Variants in ROBO2 observed in about 807,000 individuals in gnomAD.
ROBO2 encodes the protein roundabout homolog 2.
ROBO2 carries 53 observed loss-of-function variants against 160.8 expected under a neutral mutation model. That is an observed-to-expected ratio of 0.33 (90% CI 0.26 to 0.41). ROBO2 has a LOEUF of 0.41. Among genes scored for constraint, ROBO2 ranks in the 10% least tolerant of loss-of-function variants. The pLI, the probability that ROBO2 is intolerant of heterozygous loss-of-function variation, is 1.00. For missense variants in ROBO2, 1,577 were observed against 1,722.4 expected, an observed-to-expected ratio of 0.92 and a Z score of 1.49; for synonymous variants, 664 against 611.7, an observed-to-expected ratio of 1.09 and a Z score of -1.26.
chr3:76,397,011 G>A (rs1408292825), intron 2 of ROBO2, among the ~76,000 whole-genome samples: 7 of 152,008 alleles, frequency 4.6e-5, no homozygotes, highest in South Asian at 2.1e-4. Context: ...AGCCTTCATC[G>A]CCAAGTCAAT....
At chr3:76,759,152 A>C (rs187055198) in intron 2 of ROBO2, among the ~76,000 whole-genome samples, 1 of 151,916 alleles carries the variant, frequency 6.6e-6, no homozygotes, top group African/African-American at 2.4e-5. Context: ...TTCATCTTGC[A>C]AATAAGGAAA....
intron 2 of ROBO2, among the ~76,000 whole-genome samples, chr3:77,431,148 C>T (rs2078729746): frequency 6.6e-6 from 1 of 152,196 alleles, no homozygotes; most frequent in African/African-American, 2.4e-5. Flanking sequence ...TAGCAATTGG[C>T]TCCTGAGTTT....
intron 1 of ROBO2, among the ~76,000 whole-genome samples, chr3:77,063,435 AG>A (rs1410913834): frequency 3.9e-5 from 6 of 152,206 alleles, no homozygotes; most frequent in Admixed American, 3.3e-4. Context: ...GGAGATAATT[AG>A]GAGTTTCACC....
intron 2 of ROBO2, among the ~76,000 whole-genome samples, chr3:76,921,771 C>T (rs549469383): frequency 6.6e-6 from 1 of 152,206 alleles, no homozygotes; most frequent in South Asian, 2.1e-4. Context: ...ACAAATGAAT[C>T]TTGAGATAGC....
chr3:77,366,265 T>G (rs1459432870), intron 2 of ROBO2, among the ~76,000 whole-genome samples: 1 of 152,194 alleles, frequency 6.6e-6, no homozygotes, highest in Non-Finnish European at 1.5e-5. Context: ...CAGACAATTC[T>G]TGTGTCTACT....
chr3:76,717,824 G>GCAAATTAAA (rs1560436720), intron 2 of ROBO2, among the ~76,000 whole-genome samples: 5 of 151,686 alleles, frequency 3.3e-5, no homozygotes, highest in African/African-American at 1.2e-4. Context: ...CCATAACCAA[G>GCAAATTAAA]ATTTGCAGGT....
At chr3:76,118,970 T>C (rs889414268) in intron 2 of ROBO2, among the ~76,000 whole-genome samples, 2 of 152,180 alleles carry the variant, frequency 1.3e-5, no homozygotes, top group African/African-American at 4.8e-5. Context: ...GTTTTTCTTA[T>C]AGAAAATCAT....
At chr3:76,297,933 T>C (rs772402522) in intron 2 of ROBO2, among the ~76,000 whole-genome samples, 4 of 152,070 alleles carry the variant, frequency 2.6e-5, no homozygotes, top group Non-Finnish European at 4.4e-5. Flanking sequence ...GGTGGCCACA[T>C]GGATTGGCTG....
At chr3:77,634,122 A>C (rs1161592234) in intron 23 of ROBO2, 1 of 152,350 alleles carries the variant, frequency 6.6e-6, no homozygotes, top group African/African-American at 2.4e-5. Flanking sequence ...CTTTTCCCAG[A>C]ATAAATTTCC....
Position 76,127,389 on chromosome 3 carries a change from T to C in ROBO2, c.109+189787T>C, listed in dbSNP as rs996941248. Among the ~76,000 whole-genome samples the C allele has an allele frequency of 1.1e-4, 16 of 152,124 alleles. 1 individual carries two copies. Among genetic ancestry groups the C allele is most frequent in the African/African-American group, 7.2e-5 (3 of 41,458 alleles). On this transcript the variant is annotated intron_variant, in intron 2 of 26. Coordinates refer to the ROBO2 transcript ENST00000487694. Reference sequence around the variant, plus strand: ...AATATAAGTCTAAATTTTTTTGTTATAATTTGTCACCAAATGGCATCACTG... The same window carrying C: ...AATATAAGTCTAAATTTTTTTGTTACAATTTGTCACCAAATGGCATCACTG...
chr3:76,537,136 G>A (rs573350644), intron 2 of ROBO2, among the ~76,000 whole-genome samples: 8 of 152,088 alleles, frequency 5.3e-5, no homozygotes, highest in African/African-American at 1.9e-4. Context: ...AGGATTCAGA[G>A]GACTCTGAGG....
chr3:77,335,853 C>A (rs1046812676), intron 2 of ROBO2, among the ~76,000 whole-genome samples: 3 of 152,106 alleles, frequency 2.0e-5, no homozygotes, highest in African/African-American at 7.2e-5. Flanking sequence ...AGATATCCAC[C>A]AAAGATAAGC....
chr3:76,472,329 G>A (rs9834594), intron 2 of ROBO2, among the ~76,000 whole-genome samples: 51,373 of 151,874 alleles, frequency 0.34, 8,817 homozygotes, highest in Non-Finnish European at 0.36. Context: ...TGAGTTTTTA[G>A]TGTAATTTCA....
At chr3:77,157,197 T>G (rs2078094649) in intron 2 of ROBO2, among the ~76,000 whole-genome samples, 1 of 152,072 alleles carries the variant, frequency 6.6e-6, no homozygotes, top group Admixed American at 6.6e-5. Flanking sequence ...CTCCTTTGAC[T>G]CACTGATTTT....
At chr3:77,641,423 TTAGC>T (rs2095349239) in intron 24 of ROBO2, among the ~76,000 whole-genome samples, 1 of 152,218 alleles carries the variant, frequency 6.6e-6, no homozygotes, top group Non-Finnish European at 1.5e-5. Context: ...AAGGAGCGGC[TTAGC>T]TGACTGTTAA....
At chr3:77,351,240 G>GA (rs368791427) in intron 2 of ROBO2, among the ~76,000 whole-genome samples, 4 of 151,506 alleles carry the variant, frequency 2.6e-5, no homozygotes, top group Admixed American at 6.6e-5. Flanking sequence ...TAATTTTAGG[G>GA]AAAAAAAAGA....
chr3:77,214,670 A>G (rs1224738688), intron 2 of ROBO2, among the ~76,000 whole-genome samples: 5 of 152,192 alleles, frequency 3.3e-5, no homozygotes, highest in Non-Finnish European at 7.3e-5. Context: ...GTTTCTTCCT[A>G]GCCTCAATGG....
chr3:77,199,543 G>A lies in ROBO2; in HGVS notation c.388+101203G>A, dbSNP rs928226502. Among the ~76,000 whole-genome samples the A allele has an allele frequency of 1.9e-4, 29 of 151,378 alleles. 1 individual carries two copies. Among genetic ancestry groups the A allele is most frequent in the African/African-American group, 5.8e-4 (24 of 41,190 alleles). On this transcript the variant is annotated intron_variant, in intron 2 of 25. Transcript: ENST00000461745. The stretch of plus-strand genomic sequence containing the variant: ...TCTTAGCCAAAATGGTTGATGTCTT[G>A]TTCTTTAGCTGATTCATCTATTCAT...
rs553464414 is a variant in ROBO2 at position 76,472,096 on chromosome 3, T to C, written c.109+534494T>C. Among the ~76,000 whole-genome samples the C allele has an allele frequency of 4.0e-3, 469 of 117,016 alleles. 3 individuals are homozygous for C. The highest frequency in any genetic ancestry group is 0.011 in the African/African-American group (365 of 33,384). 76.8% of individuals were successfully genotyped at this position (117,016 alleles called of 152,430 possible). On this transcript the variant is annotated intron_variant, in intron 2 of 26. Coordinates refer to the ROBO2 transcript ENST00000487694. Reference sequence around the variant, plus strand: ...GTGTGTGTGTGTGTGTGTGTGTGTGTGTGTGCGCGTGTGCGTGCGCATGTG... The same window carrying C: ...GTGTGTGTGTGTGTGTGTGTGTGTGCGTGTGCGCGTGTGCGTGCGCATGTG...
Sources: gnomAD v4.1 joint callset for allele counts (sites outside exome capture counted in the v4.1 genomes callset) on GRCh38, gnomAD v4.1.1 for gene constraint, MANE v1.5 for transcripts, NCBI Gene and HGNC (gene_info 2026-07-23, HGNC 2026-07-21) for gene names.